Variants in APPBP2 observed in about 807,000 individuals in gnomAD.
APPBP2 encodes the protein amyloid beta precursor protein binding protein 2.
A neutral mutation model predicts 76.0 loss-of-function variants in APPBP2; 15 were observed. That is an observed-to-expected ratio of 0.20 (90% confidence interval 0.13 to 0.30). The LOEUF (loss-of-function observed/expected upper bound fraction) is 0.30, where lower values mean the gene tolerates loss of function less well. Among genes scored for constraint, APPBP2 ranks in the 10% least tolerant of loss-of-function variants. The pLI is 1.00. For missense variants in APPBP2, 401 were observed against 687.2 expected (o/e 0.58, Z 4.66); for synonymous variants, 222 against 242.2 (o/e 0.92, Z 0.77).
chr17:60,497,199 G>C (rs963611833), intron 2 of APPBP2, among the ~76,000 whole-genome samples: 2 of 152,196 alleles, frequency 1.3e-5, no homozygotes, highest in Non-Finnish European at 2.9e-5. Context: ...CCTGTCATCT[G>C]CAACAACACG....
At chr17:60,453,230 A>G (rs975430889) in intron 11 of APPBP2, among the ~76,000 whole-genome samples, 1 of 152,042 alleles carries the variant, frequency 6.6e-6, no homozygotes, top group Non-Finnish European at 1.5e-5. Flanking sequence ...TCACTCTGTT[A>G]TCCAAGCTGG....
intron 2 of APPBP2, among the ~76,000 whole-genome samples, chr17:60,495,636 A>T (rs1326754780): frequency 6.6e-6 from 1 of 151,966 alleles, no homozygotes; most frequent in Non-Finnish European, 1.5e-5. Context: ...GCACCCTGCT[A>T]TAATTTTTTT....
intron 3 of APPBP2, among the ~76,000 whole-genome samples, chr17:60,481,344 A>C (rs1394908708): frequency 6.6e-6 from 1 of 152,124 alleles, no homozygotes; most frequent in East Asian, 1.9e-4. Flanking sequence ...TAATTCCAGC[A>C]CTTTTGGAGG....
intron 1 of APPBP2, among the ~76,000 whole-genome samples, chr17:60,507,781 A>T (rs1411346716): frequency 6.6e-6 from 1 of 152,094 alleles, no homozygotes; most frequent in Non-Finnish European, 1.5e-5. Flanking sequence ...CAATCAGACT[A>T]TAAGCACCTT....
intron 4 of APPBP2, among the ~76,000 whole-genome samples, chr17:60,476,250 T>C (rs1022582679): frequency 1.3e-5 from 2 of 152,254 alleles, no homozygotes; most frequent in Non-Finnish European, 2.9e-5. Flanking sequence ...ACCTTTGTTG[T>C]ATAATGTTTT....
chr17:60,491,018 G>C (rs1047925251), intron 3 of APPBP2, among the ~76,000 whole-genome samples: 1 of 152,174 alleles, frequency 6.6e-6, no homozygotes, highest in South Asian at 2.1e-4. Context: ...CTGCTATAAA[G>C]ATACCTGAAA....
chr17:60,458,239 G>C (rs1202714360), intron 9 of APPBP2, among the ~76,000 whole-genome samples: 2 of 152,128 alleles, frequency 1.3e-5, no homozygotes, highest in African/African-American at 4.8e-5. Context: ...ATCGAGACCA[G>C]TCTGGCCAAC....
chr17:60,521,960 G>A (rs1399908536), intron 1 of APPBP2, among the ~76,000 whole-genome samples: 2 of 152,124 alleles, frequency 1.3e-5, no homozygotes, highest in Admixed American at 6.5e-5. Flanking sequence ...CATGCTATAT[G>A]AGTTTGTAGC....
At chr17:60,455,668 T>C (rs2090425827) in intron 10 of APPBP2, among the ~76,000 whole-genome samples, 1 of 152,252 alleles carries the variant, frequency 6.6e-6, no homozygotes. Context: ...CCATCTTCTA[T>C]TCATGTTGTG....
chr17:60,517,842 G>C (rs1479090696), intron 1 of APPBP2, among the ~76,000 whole-genome samples: 1 of 152,084 alleles, frequency 6.6e-6, no homozygotes, highest in Non-Finnish European at 1.5e-5. Flanking sequence ...CCTTGCATCT[G>C]GCTTTATCTT....
chr17:60,491,406 C>G (rs2090728048), intron 3 of APPBP2, among the ~76,000 whole-genome samples: 1 of 151,978 alleles, frequency 6.6e-6, no homozygotes, highest in Non-Finnish European at 1.5e-5. Context: ...AAAGCATTGT[C>G]TCATTTATTT....
chr17:60,481,159 C>G (rs1700059350), intron 3 of APPBP2, among the ~76,000 whole-genome samples: 1 of 152,158 alleles, frequency 6.6e-6, no homozygotes. Context: ...CCCTCCAACT[C>G]CTACTTTTTA....
At chr17:60,485,226 G>A (rs1252465969) in intron 3 of APPBP2, among the ~76,000 whole-genome samples, 1 of 152,152 alleles carries the variant, frequency 6.6e-6, no homozygotes, top group East Asian at 1.9e-4. Context: ...CTCATAAAAT[G>A]AGTTAGGGAG....
chr17:60,512,335 C>T (rs1339590475), intron 1 of APPBP2, among the ~76,000 whole-genome samples: 3 of 151,872 alleles, frequency 2.0e-5, no homozygotes, highest in Non-Finnish European at 4.4e-5. Context: ...GCTCTCCTGA[C>T]CTCGTGATCC....
In APPBP2 at chr17:60,489,201, G is replaced by A. The variant is rs147845361; in HGVS notation, c.379+5265C>T. On this transcript the variant is annotated intron_variant, in intron 3 of 12. Coordinates refer to ENST00000083182, the MANE Select transcript of APPBP2 (RefSeq NM_006380.5). ...CACACTATTGCACTCCAGCCTGGGC[G>A]ACAGTACAAGACTCTGTCTCAAATA... is the stretch of plus-strand genomic sequence containing the variant. 1.2e-3 allele frequency among the ~76,000 whole-genome samples: 185 copies of A among 152,018 alleles called. 1 individual carries two copies. The highest frequency in any genetic ancestry group is 5.7e-3 in the Admixed American group (87 of 15,248).
Position 60,518,503 on chromosome 17 carries a change from C to CGTGTGTGTGTGTGT in APPBP2, c.138+7277_138+7290dup, listed in dbSNP as rs146968316. 2.7e-3 allele frequency among the ~76,000 whole-genome samples: 364 copies of CGTGTGTGTGTGTGT among 134,186 alleles called. 11 individuals are homozygous for CGTGTGTGTGTGTGT. The highest frequency in any genetic ancestry group is 0.011 in the African/African-American group (350 of 31,520). The allele number at this position is 134,186 out of a possible 152,430, so 88.0% of individuals were successfully genotyped here. On this transcript the variant is annotated intron_variant, in intron 1 of 12. Transcript: ENST00000083182. ...ACAGGCATGAGCTACCATGCCCAGC[C>CGTGTGTGTGTGTGT]GTGTGTGTGTGTGTGTGTGTGTGTG...
At chr17:60,477,390 A>C (rs1212481782) in intron 4 of APPBP2, 1 of 152,232 alleles carries the variant, frequency 6.6e-6, no homozygotes, top group East Asian at 1.9e-4. Context: ...CATAGTGAAT[A>C]ATCTATGATA....
intron 12 of APPBP2, among the ~76,000 whole-genome samples, chr17:60,450,437 CA>C (rs374410554): frequency 0.027 from 3,108 of 114,618 alleles, 45 homozygotes; most frequent in Middle Eastern, 0.084. Context: ...GACTCCCTCT[CA>C]AAAAAAAAAA....
rs1365953493 is a variant in APPBP2 at position 60,500,478 on chromosome 17, G to A, written c.148C>T (p.Gln50Ter). Reference sequence around the variant, plus strand: ...CTGCCCAGTTGACATAAGCGTCCCTGTTGGTAAAGCTGAAATAAAAAACAA... The same window carrying A: ...CTGCCCAGTTGACATAAGCGTCCCTATTGGTAAAGCTGAAATAAAAAACAA... ...QFDVYYKLYQ[Q>*]GRLCQLGSEF... Residue 50 changes from glutamine (Q) to a stop codon, truncating the protein, a stop_gained, in exon 2 of 13, where the codon CAG becomes TAG. Transcript: ENST00000083182. LOFTEE classifies it high-confidence loss of function. 6.2e-7 allele frequency: 1 copy of A among 1,603,456 alleles called. No individual in the cohort carries two copies. Among genetic ancestry groups the A allele is most frequent in the African/African-American group, 1.3e-5 (1 of 74,434 alleles).
Sources: gnomAD v4.1 joint callset for allele counts (sites outside exome capture counted in the v4.1 genomes callset) on GRCh38, gnomAD v4.1.1 for gene constraint, MANE v1.5 for transcripts, NCBI Gene and HGNC (gene_info 2026-07-23, HGNC 2026-07-21) for gene names.